Variants in MICU1 observed in about 807,000 individuals in gnomAD.
MICU1 encodes mitochondrial calcium uptake 1.
Under a neutral mutation model 56.8 loss-of-function variants are expected in MICU1, and 45 were observed. The ratio of observed to expected loss-of-function variants is 0.79; its 90% confidence interval spans 0.62 to 1.02. The LOEUF (loss-of-function observed/expected upper bound fraction) is 1.02. Among genes scored for constraint, MICU1 ranks in the 50% least tolerant of loss-of-function variants. MICU1 has a pLI of 0.00. For synonymous variants in MICU1, 186 were observed against 195.1 expected (o/e 0.95, Z 0.39); for missense variants, 504 against 587.1 (o/e 0.86, Z 1.46).
At chr10:72,463,747 G>T (rs193301162) in intron 8 of MICU1, among the ~76,000 whole-genome samples, 143 of 152,170 alleles carry the variant, frequency 9.4e-4, no homozygotes, top group African/African-American at 3.1e-3. Context: ...TATAAATTTA[G>T]TATACCCTAA....
chr10:72,432,525 C>T (rs1279456844), intron 8 of MICU1, among the ~76,000 whole-genome samples: 2 of 152,132 alleles, frequency 1.3e-5, no homozygotes, highest in Non-Finnish European at 2.9e-5. Context: ...TTTGGTTCTG[C>T]AGGCTATAGG....
At chr10:72,408,985 C>T (rs1240223118) in intron 9 of MICU1, among the ~76,000 whole-genome samples, 1 of 151,998 alleles carries the variant, frequency 6.6e-6, no homozygotes, top group Non-Finnish European at 1.5e-5. Context: ...TCTCTAATTC[C>T]ACTTTCTATG....
intron 2 of MICU1, 62 bp from the exon 3 acceptor site, chr10:72,563,125 C>CAAA (rs1840342259): frequency 8.1e-7 from 1 of 1,239,146 alleles, no homozygotes; most frequent in African/African-American, 1.5e-5. Context: ...GACAAATAAG[C>CAAA]AAACAGATAC....
intron 1 of MICU1, among the ~76,000 whole-genome samples, chr10:72,590,820 A>AAAAT (rs981919942): frequency 6.7e-4 from 96 of 143,352 alleles, no homozygotes; most frequent in Non-Finnish European, 1.2e-3. Context: ...CTCAAAAAAT[A>AAAAT]AAATAAATAA....
chr10:72,433,778 A>G (rs1398377534), intron 8 of MICU1, among the ~76,000 whole-genome samples: 1 of 152,196 alleles, frequency 6.6e-6, no homozygotes, highest in Non-Finnish European at 1.5e-5. Flanking sequence ...TCCTCATTAG[A>G]TAAGAAAGTA....
At chr10:72,462,526 A>C (rs1865669020) in intron 8 of MICU1, among the ~76,000 whole-genome samples, 1 of 152,200 alleles carries the variant, frequency 6.6e-6, no homozygotes, top group Admixed American at 6.5e-5. Context: ...TATATACTAC[A>C]CATATGCTCG....
intron 11 of MICU1, among the ~76,000 whole-genome samples, chr10:72,371,438 G>A (rs779166629): frequency 3.4e-5 from 5 of 146,158 alleles, no homozygotes; most frequent in Non-Finnish European, 6.0e-5. Context: ...TGAATAATTT[G>A]GCTTATCAAG....
chr10:72,562,179 A>C (rs949131663), intron 3 of MICU1, among the ~76,000 whole-genome samples: 1 of 83,602 alleles, frequency 1.2e-5, no homozygotes, highest in Admixed American at 1.6e-4. Flanking sequence ...TTTGAGACTC[A>C]GTCTTGCTTT....
At chr10:72,506,239 T>G (rs762660272) in intron 6 of MICU1, among the ~76,000 whole-genome samples, 67 of 152,124 alleles carry the variant, frequency 4.4e-4, no homozygotes, top group Admixed American at 7.9e-4. Flanking sequence ...TTTTAAGTGG[T>G]TAAGGGAGCT....
intron 8 of MICU1, among the ~76,000 whole-genome samples, chr10:72,448,781 C>A (rs1456873607): frequency 6.6e-6 from 1 of 152,050 alleles, no homozygotes; most frequent in Non-Finnish European, 1.5e-5. Context: ...TATTTTCCCC[C>A]TTAAGAACAG....
intron 1 of MICU1, among the ~76,000 whole-genome samples, chr10:72,587,165 T>C (rs1177219579): frequency 1.3e-5 from 2 of 152,092 alleles, no homozygotes; most frequent in African/African-American, 4.8e-5. Context: ...GTATCACAAG[T>C]AAAAGTAAGT....
At chr10:72,453,687 G>A (rs1183756292) in intron 8 of MICU1, among the ~76,000 whole-genome samples, 3 of 151,734 alleles carry the variant, frequency 2.0e-5, no homozygotes, top group East Asian at 1.9e-4. Flanking sequence ...GCACCACCAC[G>A]CCGGGCTAAT....
At chr10:72,569,947 T>C (rs2132483373) in intron 1 of MICU1, among the ~76,000 whole-genome samples, 1 of 152,158 alleles carries the variant, frequency 6.6e-6, no homozygotes, top group Non-Finnish European at 1.5e-5. Context: ...ATTCCTAAAT[T>C]TTTGTGTGTG....
intron 8 of MICU1, among the ~76,000 whole-genome samples, chr10:72,445,004 T>A (rs1302546210): frequency 6.6e-6 from 1 of 152,212 alleles, no homozygotes; most frequent in African/African-American, 2.4e-5. Flanking sequence ...GCTCCTGAAC[T>A]TTCAAGGATA....
At chr10:72,534,289 T>A (rs1274257565) in intron 4 of MICU1, among the ~76,000 whole-genome samples, 1 of 151,258 alleles carries the variant, frequency 6.6e-6, no homozygotes, top group African/African-American at 2.4e-5. Context: ...AATTTAAAAA[T>A]TTACTTGGGA....
At chr10:72,465,416 T>C (rs1427292273) in intron 8 of MICU1, among the ~76,000 whole-genome samples, 1 of 150,306 alleles carries the variant, frequency 6.7e-6, no homozygotes, top group Admixed American at 6.7e-5. Flanking sequence ...CCCTGGGAGA[T>C]GCATTCTGAG....
intron 1 of MICU1, among the ~76,000 whole-genome samples, chr10:72,611,335 G>C (rs1377845396): frequency 6.6e-6 from 1 of 151,112 alleles, no homozygotes; most frequent in African/African-American, 2.4e-5. Flanking sequence ...AAAAAGGCCG[G>C]GAGCAGTTGC....
intron 6 of MICU1, among the ~76,000 whole-genome samples, chr10:72,480,399 C>T (rs924793060): frequency 1.3e-5 from 2 of 152,158 alleles, no homozygotes; most frequent in African/African-American, 2.4e-5. Flanking sequence ...GTTCAGGAGA[C>T]AGTTGGAAAT....
rs34812211 is a variant in MICU1 at position 72,605,269 on chromosome 10, T to C, written c.-2+20741A>G. Reference sequence around the variant, plus strand: ...GGACAGTTTAAGAATGCCACAACAATGTCTGGAAGTTACCCTATATGGTCA... The same window carrying C: ...GGACAGTTTAAGAATGCCACAACAACGTCTGGAAGTTACCCTATATGGTCA... On this transcript the variant is annotated intron_variant, in intron 1 of 11. Coordinates refer to ENST00000361114, the MANE Select transcript of MICU1 (RefSeq NM_001195518.2). Among the ~76,000 whole-genome samples the C allele has an allele frequency of 1.7e-3, 256 of 152,268 alleles. 1 individual carries two copies. The highest frequency in any genetic ancestry group is 3.4e-3 in the Middle Eastern group (1 of 294).
Sources: allele counts gnomAD v4.1 joint callset (sites outside exome capture counted in the v4.1 genomes callset), GRCh38; gene constraint gnomAD v4.1.1; transcripts MANE v1.5; gene names NCBI Gene and HGNC (gene_info 2026-07-23, HGNC 2026-07-21).